The following SZRD1 variants were observed in gnomAD, a reference collection of about 807,000 sequenced individuals.
SZRD1 encodes the protein SUZ RNA-binding domain-containing.
In SZRD1, 7 loss-of-function variants were observed where a neutral mutation model predicts 17.6. The ratio of observed to expected loss-of-function variants is 0.40; its 90% CI spans 0.23 to 0.75. SZRD1 has a LOEUF of 0.75. Ranked by LOEUF, SZRD1 falls within the 30% of genes least tolerant of loss-of-function variation. SZRD1 has a pLI of 0.38. For missense variants in SZRD1, 178 were observed against 201.8 expected, an observed-to-expected ratio of 0.88 and a Z score of 0.71; for synonymous variants, 77 against 77.9, an observed-to-expected ratio of 0.99 and a Z score of 0.06.
chr1:16,367,672 G>T (rs975884859), intron 1 of SZRD1: 2 of 297,308 alleles, frequency 6.7e-6, no homozygotes, highest in Non-Finnish European at 1.3e-5. Context: ...AAGTTCTTGT[G>T]CTCTGACCGG....
At position 16,393,979 on chromosome 1, in the gene SZRD1, G is replaced by T. The variant is rs1164680830; in HGVS notation, c.356+497G>T. ...ATAAGTGCTTTGATGATATTTTCTG[G>T]GTCTCCAGTATGCCCACTGTGATGT... On this transcript the variant is annotated intron_variant, in intron 3 of 3. Transcript: ENST00000401088. The surrounding 1 kb of genome is among the most constrained non-coding windows in gnomAD (Gnocchi z 5.6). Among the ~76,000 whole-genome samples the T allele has an allele frequency of 3.9e-5, 6 of 152,084 alleles. No individual in the cohort carries two copies. The highest frequency in any genetic ancestry group is 1.4e-4 in the African/African-American group (6 of 41,394).
chr1:16,381,488 T>A (rs986517021), intron 1 of SZRD1, among the ~76,000 whole-genome samples: 2 of 142,084 alleles, frequency 1.4e-5, no homozygotes, highest in African/African-American at 5.4e-5. Flanking sequence ...ACCCCTGAGG[T>A]GGAGGTTGCA....
At chr1:16,387,956 C>T (rs1308798241) in intron 1 of SZRD1, among the ~76,000 whole-genome samples, 1 of 152,148 alleles carries the variant, frequency 6.6e-6, no homozygotes. Context: ...TCACAGAAAA[C>T]ATCCAGGTCG....
chr1:16,375,325 C>CT (rs918419523), intron 1 of SZRD1, among the ~76,000 whole-genome samples: 2 of 150,208 alleles, frequency 1.3e-5, no homozygotes, highest in Admixed American at 6.6e-5. Flanking sequence ...ATTTTTTTTT[C>CT]TTTTTTTTGA....
chr1:16,376,790 A>G (rs965464770), intron 1 of SZRD1, among the ~76,000 whole-genome samples: 26 of 142,250 alleles, frequency 1.8e-4, no homozygotes, highest in Admixed American at 1.7e-3. Context: ...TGGGCGACAC[A>G]GCGAGACTCT....
chr1:16,372,221 C>T (rs939670055), intron 1 of SZRD1, among the ~76,000 whole-genome samples: 29 of 151,954 alleles, frequency 1.9e-4, no homozygotes, highest in African/African-American at 6.5e-4. Flanking sequence ...GCCTGTAATC[C>T]CAACACTTTG....
intron 1 of SZRD1, among the ~76,000 whole-genome samples, chr1:16,383,583 A>G (rs1227372334): frequency 7.4e-6 from 1 of 135,228 alleles, no homozygotes; most frequent in Non-Finnish European, 1.7e-5. Context: ...ATTAATTTTA[A>G]TTTTTTTCTT....
intron 1 of SZRD1, among the ~76,000 whole-genome samples, chr1:16,377,121 A>T (rs1243394390): frequency 1.3e-5 from 2 of 152,000 alleles, no homozygotes; most frequent in Non-Finnish European, 1.5e-5. Context: ...TTGGGCTTGG[A>T]GGCATTGTGT....
rs2082985112 is a variant in SZRD1 at position 16,375,423 on chromosome 1, TC to T, written c.51+8116del. Among the ~76,000 whole-genome samples the T allele has an allele frequency of 2.0e-5, 3 of 152,106 alleles. No individual in the cohort carries two copies. The South Asian group carries it at 6.2e-4, about 32-fold the overall frequency. On this transcript the variant is annotated intron_variant, in intron 1 of 3. Transcript: ENST00000401088. ...TCTGCCTTCCGGGTTCAAGCAATTC[TC>T]ATGCCTCACCCTCCCAAGTAGCTGG... is the stretch of plus-strand genomic sequence containing the variant.
intron 1 of SZRD1, among the ~76,000 whole-genome samples, chr1:16,368,966 T>C (rs916608658): frequency 1.3e-5 from 2 of 152,214 alleles, no homozygotes; most frequent in Non-Finnish European, 2.9e-5. Context: ...ACTTTAGTTT[T>C]TCAGAATGGG....
At chr1:16,378,459 T>A (rs1468706445) in intron 1 of SZRD1, among the ~76,000 whole-genome samples, 3 of 151,428 alleles carry the variant, frequency 2.0e-5, no homozygotes, top group Non-Finnish European at 4.4e-5. Context: ...GGCTAATTTT[T>A]GTATTTTTAT....
At chr1:16,389,050 T>C (rs893019187) in intron 1 of SZRD1, among the ~76,000 whole-genome samples, 4 of 150,358 alleles carry the variant, frequency 2.7e-5, no homozygotes, top group Admixed American at 1.3e-4. Flanking sequence ...AACTTTGAAC[T>C]GCACCCATCA....
rs2085326747 is a variant in SZRD1 at position 16,397,211 on chromosome 1, A to T, written c.*2071A>T. The T allele has an allele frequency of 6.6e-6, 1 of 152,252 alleles. No homozygotes were observed. 9.4% of individuals were successfully genotyped at this position (152,252 alleles called of 1,614,324 possible). ...GCTGGTGGGTGTCTGTGGATTGAGG[A>T]TGTGGCAGGGACTGGTCCTCCCACC... On this transcript the variant is annotated 3_prime_UTR_variant, in exon 4 of 4. Coordinates refer to ENST00000401088, the MANE Select transcript of SZRD1 (RefSeq NM_001114600.3). This position sits in a 1 kb window ranked among gnomAD's most constrained non-coding sequence, Gnocchi z 5.4.
intron 1 of SZRD1, among the ~76,000 whole-genome samples, chr1:16,377,616 GC>G (rs1330670762): frequency 1.2e-4 from 18 of 151,478 alleles, no homozygotes; most frequent in Non-Finnish European, 2.1e-4. Flanking sequence ...CCAGTTAACG[GC>G]CTACTTTTCT....
intron 1 of SZRD1, among the ~76,000 whole-genome samples, chr1:16,378,437 A>G (rs1300965304): frequency 6.6e-6 from 1 of 151,782 alleles, no homozygotes; most frequent in Non-Finnish European, 1.5e-5. Context: ...GGCACCTGCC[A>G]CCGTGACACC....
At chr1:16,383,479 C>G (rs930279972) in intron 1 of SZRD1, among the ~76,000 whole-genome samples, 1 of 151,994 alleles carries the variant, frequency 6.6e-6, no homozygotes, top group African/African-American at 2.4e-5. Flanking sequence ...TTCAGCCTCC[C>G]AAAGTGTTGG....
At chr1:16,376,690 A>C (rs61770592) in intron 1 of SZRD1, among the ~76,000 whole-genome samples, 12,715 of 151,532 alleles carry the variant, frequency 0.084, 700 homozygotes, top group Non-Finnish European at 0.12. Context: ...CCTGTAACCC[A>C]AGCTACCTGG....
intron 1 of SZRD1, among the ~76,000 whole-genome samples, chr1:16,372,606 A>G (rs1353764494): frequency 6.6e-6 from 1 of 152,206 alleles, no homozygotes; most frequent in Non-Finnish European, 1.5e-5. Flanking sequence ...GTATCTTGCA[A>G]GTTTCCTTTT....
In SZRD1 at chr1:16,395,194, C is replaced by T; in HGVS notation, c.*54C>T. 1 of 1,319,594 alleles carries T rather than the reference C, an allele frequency of 7.6e-7. No homozygotes were observed. Among genetic ancestry groups the T allele is most frequent in the South Asian group, 1.2e-5 (1 of 84,606 alleles). The allele number at this position is 1,319,594 out of a possible 1,614,324, so 81.7% of individuals were successfully genotyped here. A position where few individuals can be genotyped will look rare whatever the true frequency, so the allele number is the denominator to read the frequency against. On this transcript the variant is annotated 3_prime_UTR_variant, in exon 4 of 4. Coordinates refer to ENST00000401088, the MANE Select transcript of SZRD1 (RefSeq NM_001114600.3). ...CTGCCGTCACCGCCTCCTGGGTCGT[C>T]CGCCACGGGTTGCACTGCCGTGGCA...
Sources: allele counts gnomAD v4.1 joint callset (sites outside exome capture counted in the v4.1 genomes callset), GRCh38; gene constraint gnomAD v4.1.1; non-coding constraint Gnocchi (gnomAD v3.1); transcripts MANE v1.5; gene names NCBI Gene and HGNC (gene_info 2026-07-23, HGNC 2026-07-21).